Variants in ATP13A3 observed in about 807,000 individuals in gnomAD.
ATP13A3 encodes the protein polyamine-transporting ATPase 13A3.
In ATP13A3, 59 loss-of-function variants were observed where a neutral mutation model predicts 158.1. The ratio of observed to expected loss-of-function variants is 0.37; its 90% CI spans 0.30 to 0.46. The LOEUF is 0.46. ATP13A3 is among the 20% of genes least tolerant of loss of function. ATP13A3 has a pLI of 1.00. For missense variants in ATP13A3, 1,166 were observed against 1,525.2 expected (o/e 0.76, Z 3.92); for synonymous variants, 491 against 504.3 (o/e 0.97, Z 0.35).
At chr3:194,427,436 T>A (rs534580768) in intron 28 of ATP13A3, among the ~76,000 whole-genome samples, 184 bp from the exon 29 acceptor site, 6 of 152,080 alleles carry the variant, frequency 3.9e-5, no homozygotes, top group Non-Finnish European at 8.8e-5. Flanking sequence ...AAGTAAACAG[T>A]GTAGGCTTTT....
upstream of ATP13A3, chr3:194,487,980 C>T (rs1721074257): frequency 6.6e-6 from 1 of 152,302 alleles, no homozygotes. Flanking sequence ...GGTCCACGCA[C>T]GTGATGACAT....
intron 30 of ATP13A3, among the ~76,000 whole-genome samples, chr3:194,421,161 A>ATATAGTT (rs1716332114): frequency 3.9e-5 from 3 of 77,204 alleles, no homozygotes; most frequent in East Asian, 3.6e-4. Context: ...ATATATATAT[A>ATATAGTT]TATATATAGT....
At chr3:194,443,963 T>C (rs74719071) in intron 15 of ATP13A3, among the ~76,000 whole-genome samples, 5,466 of 151,814 alleles carry the variant, frequency 0.036, 348 homozygotes, top group African/African-American at 0.13. Flanking sequence ...CCCTCCAAAA[T>C]GTGAAAAGAT....
intron 30 of ATP13A3, among the ~76,000 whole-genome samples, chr3:194,422,248 G>A (rs368152262): frequency 6.6e-6 from 1 of 152,258 alleles, no homozygotes; most frequent in African/African-American, 2.4e-5. Context: ...AAGAATAGAA[G>A]AATTAGGTAT....
At position 194,453,837 on chromosome 3, in the gene ATP13A3, A is replaced by G. The variant is rs1719000314; in HGVS notation, c.766-59T>C. ...ATATGAACCCACTCCTCAGGAAAAA[A>G]GCCAGAGTGCTAAAAAAATAAGTTA... On this transcript the variant is annotated intron_variant, in intron 9 of 33. Transcript: ENST00000645319. 4 of 1,304,466 alleles carry G rather than the reference A, an allele frequency of 3.1e-6. No homozygotes were observed. In the South Asian group the frequency reaches 5.0e-5, roughly 16 times the overall value. 80.8% of individuals were successfully genotyped at this position (1,304,466 alleles called of 1,614,324 possible).
chr3:194,475,134 T>C (rs1483378587), intron 2 of ATP13A3, among the ~76,000 whole-genome samples: 1 of 151,976 alleles, frequency 6.6e-6, no homozygotes, highest in Non-Finnish European at 1.5e-5. Context: ...TGGAAGAAAA[T>C]TTTCCAGAGG....
At position 194,485,783 on chromosome 3, in the gene ATP13A3, G is replaced by T. The variant is rs1213059254; in HGVS notation, c.-47+11C>A. ...TGATTAAAAGCGGCTAATTATGTGA[G>T]TGATTCATACCTCCTATGTCCAAAC... On this transcript the variant is annotated intron_variant, in intron 2 of 33. Transcript: ENST00000645319. The T allele has an allele frequency of 1.3e-5, 2 of 152,256 alleles. No homozygotes were observed. The highest frequency in any genetic ancestry group is 2.9e-5 in the Non-Finnish European group (2 of 68,064). The allele number at this position is 152,256 out of a possible 1,614,324, so 9.4% of individuals were successfully genotyped here.
At chr3:194,417,133 C>T (rs900049079) in intron 31 of ATP13A3, among the ~76,000 whole-genome samples, 1 of 152,046 alleles carries the variant, frequency 6.6e-6, no homozygotes, top group Non-Finnish European at 1.5e-5. Flanking sequence ...TGGTATTTGA[C>T]AAACTAAACT....
chr3:194,423,227 GAAGTT>G (rs200786203), intron 30 of ATP13A3, among the ~76,000 whole-genome samples: 3,724 of 152,242 alleles, frequency 0.024, 155 homozygotes, highest in African/African-American at 0.086. Context: ...CACACAGACT[GAAGTT>G]AAGTTTAATT....
rs1364699437 is a variant in ATP13A3 at position 194,406,059 on chromosome 3, T to C, written c.3631A>G (p.Lys1211Glu). ...CLPWALGCRK[K>E]TPKAKYMYLA... Reference sequence around the variant, plus strand: ...TACATGTACTTTGCCTTTGGTGTCTTCTTTCTACAGCCCAGGGCCCAGGGT... The same window carrying C: ...TACATGTACTTTGCCTTTGGTGTCTCCTTTCTACAGCCCAGGGCCCAGGGT... The change falls in exon 34 of 34, where the codon AAG becomes GAG. Residue 1211 changes from lysine to glutamate, a missense_variant. By Grantham distance (56) the Lys-to-Glu change is moderately conservative (BLOSUM62 1). Transcript: ENST00000645319. 3 of 1,614,060 alleles carry C rather than the reference T, an allele frequency of 1.9e-6. No homozygotes were observed. The African/African-American group carries it at 4.0e-5, about 22-fold the overall frequency.
At chr3:194,439,989 T>C (rs1160099493) in intron 16 of ATP13A3, among the ~76,000 whole-genome samples, 1 of 152,204 alleles carries the variant, frequency 6.6e-6, no homozygotes, top group African/African-American at 2.4e-5. Context: ...GTGTTTACCA[T>C]GGACTTTCAG....
chr3:194,467,521 A>T (rs1720066339), intron 2 of ATP13A3, among the ~76,000 whole-genome samples: 1 of 152,160 alleles, frequency 6.6e-6, no homozygotes, highest in African/African-American at 2.4e-5. Flanking sequence ...TGCTAAAAAT[A>T]AACAATTCAA....
intron 20 of ATP13A3, among the ~76,000 whole-genome samples, chr3:194,436,414 A>T (rs1717640543): frequency 6.6e-6 from 1 of 152,234 alleles, no homozygotes. Context: ...ATTCTGATCA[A>T]ATTAGTAGTT....
At chr3:194,460,602 C>A (rs921802965) in intron 4 of ATP13A3, 56 bp downstream of exon 4, 1 of 1,551,774 alleles carries the variant, frequency 6.4e-7, no homozygotes, top group Non-Finnish European at 8.8e-7. Context: ...AAAGTATACA[C>A]AAAGACATTG....
rs777061814 is a variant in ATP13A3 at position 194,433,820 on chromosome 3, C to T, written c.2197G>A (p.Val733Ile). ...QNKLKQETPA[V>I]LEDLHKANIR... ...TTGGCTTTATGCAAATCTTCAAGTA[C>T]TGCAGGGGTTTCTTGCTTTAATTTG... The change falls in exon 21 of 34, where the codon GTA (valine) becomes ATA (isoleucine). Residue 733 changes from valine to isoleucine, a missense_variant. Around this residue, in one of 3 missense-constraint regions of ATP13A3, gnomAD observed 997 missense variants for 1,341.2 expected, o/e 0.74. Transcript: ENST00000645319. 1.9e-6 allele frequency: 3 copies of T among 1,613,960 alleles called. No homozygotes were observed. Among genetic ancestry groups the T allele is most frequent in the South Asian group, 2.2e-5 (2 of 91,086 alleles).
chr3:194,410,314 A>AAAC (rs1316688097), intron 33 of ATP13A3, among the ~76,000 whole-genome samples: 2 of 141,808 alleles, frequency 1.4e-5, no homozygotes, highest in Non-Finnish European at 3.0e-5. Flanking sequence ...AAAAAAAAAA[A>AAAC]AAAAAAAAAA....
intron 2 of ATP13A3, among the ~76,000 whole-genome samples, chr3:194,467,420 A>T (rs917257403): frequency 2.0e-5 from 3 of 152,214 alleles, no homozygotes; most frequent in African/African-American, 7.2e-5. Context: ...TTTTTTAACC[A>T]TATTACACCA....
chr3:194,413,683 T>G (rs1715602934), intron 32 of ATP13A3, 76 bp downstream of exon 32: 6 of 1,277,166 alleles, frequency 4.7e-6, no homozygotes, highest in Non-Finnish European at 5.7e-6. Context: ...TTACCTGCCC[T>G]CTTCTCCCAT....
rs1466068104 is a variant in ATP13A3 at position 194,405,986 on chromosome 3, T to C, written c.3704A>G (p.Gln1235Arg). ...LVDPEWPPKP[Q>R]TTTEAKALVK... ...TAAAGCTTTAGCTTCTGTGGTTGTC[T>C]GAGGTTTTGGTGGCCATTCTGGATC... Residue 1235 changes from glutamine to arginine, a missense_variant, in exon 34 of 34, where the codon CAG becomes CGG. By Grantham distance (43) the Gln-to-Arg change is conservative. Around this residue, in one of 3 missense-constraint regions of ATP13A3, gnomAD observed 997 missense variants for 1,341.2 expected, o/e 0.74. Transcript: ENST00000645319. 6.2e-7 allele frequency: 1 copy of C among 1,614,208 alleles called. No individual in the cohort carries two copies. Among genetic ancestry groups the C allele is most frequent in the Non-Finnish European group, 8.5e-7 (1 of 1,180,028 alleles).
Sources: allele counts gnomAD v4.1 joint callset (sites outside exome capture counted in the v4.1 genomes callset), GRCh38; gene constraint gnomAD v4.1.1; regional missense constraint gnomAD v4.1.1; transcripts MANE v1.5; gene names NCBI Gene and HGNC (gene_info 2026-07-23, HGNC 2026-07-21).